KATNIP: variants seen among roughly 807,000 people sequenced by gnomAD.
KATNIP encodes katanin interacting protein, also known as katanin-interacting protein.
Under a neutral mutation model 174.0 loss-of-function variants are expected in KATNIP, and 126 were observed. The ratio of observed to expected loss-of-function variants is 0.72; its 90% CI spans 0.63 to 0.84. The LOEUF (loss-of-function observed/expected upper bound fraction) is 0.84, where lower values mean the gene tolerates loss of function less well. Ranked by LOEUF, KATNIP falls within the 40% of genes least tolerant of loss-of-function variation. KATNIP has a pLI of 0.00. For synonymous variants in KATNIP, 810 were observed against 835.7 expected (o/e 0.97, Z 0.53); for missense variants, 1,958 against 2,109.7 (o/e 0.93, Z 1.41).
chr16:27,777,565 G>A lies in KATNIP; in HGVS notation c.4552-45G>A. ...ACGCGTTCTGCCCAAGGTCAACGTG[G>A]GAGGGACGAGGGGGACCCATGAGTC... is the stretch of plus-strand genomic sequence containing the variant. On this transcript the variant is annotated intron_variant, in intron 25 of 27. Transcript: ENST00000261588. This position sits in a 1 kb window ranked among gnomAD's most constrained non-coding sequence, Gnocchi z 4.4. 2 of 1,553,066 alleles carry A rather than the reference G, an allele frequency of 1.3e-6. No individual in the cohort carries two copies. The highest frequency in any genetic ancestry group is 1.8e-4 in the Middle Eastern group (1 of 5,588).
intron 6 of KATNIP, among the ~76,000 whole-genome samples, chr16:27,675,618 G>A (rs979644223): frequency 6.6e-6 from 1 of 152,184 alleles, no homozygotes; most frequent in African/African-American, 2.4e-5. Flanking sequence ...AGGAAGAGCA[G>A]CCTGTGTTTG....
chr16:27,723,192 A>ACACATCT (rs1215695790), intron 14 of KATNIP, among the ~76,000 whole-genome samples: 1 of 152,154 alleles, frequency 6.6e-6, no homozygotes, highest in African/African-American at 2.4e-5. Flanking sequence ...CGATCCAATC[A>ACACATCT]CACATCTCTG....
At chr16:27,590,044 T>A (rs1443579062) in intron 2 of KATNIP, among the ~76,000 whole-genome samples, 1 of 152,098 alleles carries the variant, frequency 6.6e-6, no homozygotes, top group Non-Finnish European at 1.5e-5. Context: ...ATTTTTTTTT[T>A]ATGTTTCCCA....
At chr16:27,700,808 C>A (rs913348454) in intron 10 of KATNIP, among the ~76,000 whole-genome samples, 1 of 152,132 alleles carries the variant, frequency 6.6e-6, no homozygotes, top group Non-Finnish European at 1.5e-5. Flanking sequence ...CATGTGACAC[C>A]CCAGAGCACT....
At chr16:27,554,839 G>A (rs983686575) in intron 1 of KATNIP, among the ~76,000 whole-genome samples, 1 of 142,650 alleles carries the variant, frequency 7.0e-6, no homozygotes, top group African/African-American at 2.6e-5. Flanking sequence ...TGTCACCCAG[G>A]CTGTAGTACA....
intron 19 of KATNIP, among the ~76,000 whole-genome samples, chr16:27,761,928 A>G (rs2081969156): frequency 6.6e-6 from 1 of 152,146 alleles, no homozygotes. Context: ...TTTGCAGTGG[A>G]TGGTTCAGAG....
At chr16:27,704,234 T>G (rs894283760) in intron 12 of KATNIP, among the ~76,000 whole-genome samples, 3 of 151,310 alleles carry the variant, frequency 2.0e-5, no homozygotes, top group African/African-American at 7.3e-5. Flanking sequence ...CAAGAGGAAA[T>G]ATAAATAGCG....
chr16:27,771,727 G>A, intron 22 of KATNIP, 75 bp downstream of exon 22: 2 of 1,478,428 alleles, frequency 1.4e-6, no homozygotes, highest in African/African-American at 1.4e-5. Flanking sequence ...GCCCAGCCAG[G>A]GTTTCAGGCG....
chr16:27,730,711 TGTG>T (rs1290802529), intron 14 of KATNIP, among the ~76,000 whole-genome samples: 1 of 152,200 alleles, frequency 6.6e-6, no homozygotes, highest in Non-Finnish European at 1.5e-5. Context: ...TTAGGCCCCT[TGTG>T]GGGGTCTCCA....
Position 27,742,565 on chromosome 16 carries a change from G to A in KATNIP, c.2623+1645G>A, listed in dbSNP as rs116000107. 3.1e-3 allele frequency among the ~76,000 whole-genome samples: 471 copies of A among 152,290 alleles called. 5 individuals are homozygous for A. Among genetic ancestry groups the A allele is most frequent in the African/African-American group, 9.4e-3 (392 of 41,550 alleles). On this transcript the variant is annotated intron_variant, in intron 15 of 27. Transcript: ENST00000261588. ...CCCTGGAGCCAGGCTGCCTGGGCAC[G>A]TATCCTGGCTCCATCACCTCCAACC...
At chr16:27,568,338 G>A (rs1004257345) in intron 1 of KATNIP, among the ~76,000 whole-genome samples, 2 of 152,176 alleles carry the variant, frequency 1.3e-5, no homozygotes, top group African/African-American at 4.8e-5. Context: ...GCATATGTTT[G>A]TTTCCTATTT....
chr16:27,587,554 A>T (rs937190410), intron 2 of KATNIP, among the ~76,000 whole-genome samples: 3 of 152,238 alleles, frequency 2.0e-5, no homozygotes, highest in Admixed American at 1.3e-4. Context: ...TGTCCCAATA[A>T]ACCCATCCTA....
intron 5 of KATNIP, among the ~76,000 whole-genome samples, chr16:27,647,695 G>A (rs1178075027): frequency 6.6e-6 from 1 of 152,052 alleles, no homozygotes; most frequent in Non-Finnish European, 1.5e-5. Flanking sequence ...AGTAGAGATG[G>A]GGTTTCTCCA....
chr16:27,710,281 C>T (rs2079514485), intron 13 of KATNIP, among the ~76,000 whole-genome samples: 1 of 152,136 alleles, frequency 6.6e-6, no homozygotes, highest in South Asian at 2.1e-4. Context: ...TCGCTTGAAC[C>T]TGGGAGGGGA....
chr16:27,702,551 A>G (rs1481754274), intron 11 of KATNIP, among the ~76,000 whole-genome samples: 1 of 152,200 alleles, frequency 6.6e-6, no homozygotes, highest in Non-Finnish European at 1.5e-5. Context: ...CATGTTGTGC[A>G]CTGTGCAAAG....
intron 4 of KATNIP, among the ~76,000 whole-genome samples, chr16:27,629,213 T>C (rs938104591): frequency 2.0e-5 from 3 of 149,862 alleles, no homozygotes; most frequent in Non-Finnish European, 4.4e-5. Flanking sequence ...ATCCTGTGCA[T>C]GTGAACAACG....
chr16:27,780,094 T>C lies in KATNIP; in HGVS notation c.*1465T>C, dbSNP rs2082635106. ...CCTCCCGCCAGGGGGAGTCAGGGGT[T>C]GATCAAACCAGCTCTTGTGACCCAA... On this transcript the variant is annotated 3_prime_UTR_variant, in exon 28 of 28. Coordinates refer to ENST00000261588, the MANE Select transcript of KATNIP (RefSeq NM_015202.5). 1 of 152,154 alleles carries C rather than the reference T, an allele frequency of 6.6e-6. No individual in the cohort carries two copies. The highest frequency in any genetic ancestry group is 1.5e-5 in the Non-Finnish European group (1 of 68,032). The allele number at this position is 152,154 out of a possible 1,614,324, so 9.4% of individuals were successfully genotyped here.
At chr16:27,610,590 G>C (rs1408366227) in intron 2 of KATNIP, among the ~76,000 whole-genome samples, 1 of 152,152 alleles carries the variant, frequency 6.6e-6, no homozygotes, top group Non-Finnish European at 1.5e-5. Context: ...GTGGTTGCTT[G>C]ACTGGTTGCA....
At chr16:27,641,916 G>A (rs1024390577) in intron 5 of KATNIP, among the ~76,000 whole-genome samples, 1 of 152,202 alleles carries the variant, frequency 6.6e-6, no homozygotes, top group African/African-American at 2.4e-5. Context: ...GCCGGTGCTG[G>A]TGAGTCAGGC....
Sources: allele counts gnomAD v4.1 joint callset (sites outside exome capture counted in the v4.1 genomes callset), GRCh38; gene constraint gnomAD v4.1.1; non-coding constraint Gnocchi (gnomAD v3.1); transcripts MANE v1.5; gene names NCBI Gene and HGNC (gene_info 2026-07-23, HGNC 2026-07-21).